The following SOCS2 variants were observed in gnomAD, a reference collection of about 807,000 sequenced individuals.
SOCS2 encodes the protein CIS-2.
A neutral mutation model predicts 18.6 loss-of-function variants in SOCS2; 10 were observed. That is an observed-to-expected ratio of 0.54 (90% CI 0.33 to 0.91). The LOEUF (loss-of-function observed/expected upper bound fraction) is 0.91, where lower values mean the gene tolerates loss of function less well. Among genes scored for constraint, SOCS2 ranks in the 40% least tolerant of loss-of-function variants. The probability of loss-of-function intolerance (pLI) is 0.02; values close to 1 mark genes in which losing one functional copy is unlikely to be tolerated. For missense variants in SOCS2, 231 were observed against 247.2 expected, an observed-to-expected ratio of 0.93 and a Z score of 0.44; for synonymous variants, 104 against 104.0, an observed-to-expected ratio of 1.00 and a Z score of 0.00.
At chr12:93,599,171 CTTT>C in the SOCS2 span, among the ~76,000 whole-genome samples, 6 of 122,290 alleles carry the variant, frequency 4.9e-5, no homozygotes, top group South Asian at 2.6e-4. Context: ...TGCTGTTTGT[CTTT>C]TTTTTTTTTT....
chr12:93,578,019 C>T (rs542712485), downstream of SOCS2, among the ~76,000 whole-genome samples: 21 of 152,176 alleles, frequency 1.4e-4, no homozygotes, highest in Non-Finnish European at 2.9e-4. Flanking sequence ...TCCCCAAACT[C>T]TGAAAATATT....
At chr12:93,577,944 T>A (rs1314637585), downstream of SOCS2, among the ~76,000 whole-genome samples, 1 of 152,216 alleles carries the variant, frequency 6.6e-6, no homozygotes, top group East Asian at 1.9e-4. Flanking sequence ...TAGGGCAATT[T>A]AGGGCATTTG....
At chr12:93,580,592 G>GCCT (rs1298629342), downstream of SOCS2, among the ~76,000 whole-genome samples, 2 of 130,830 alleles carry the variant, frequency 1.5e-5, no homozygotes, top group Non-Finnish European at 3.1e-5. Context: ...CTGCACTCCA[G>GCCT]CCTGGGCAAC....
chr12:93,583,941 A>G (rs1954568141), downstream of SOCS2, among the ~76,000 whole-genome samples: 1 of 152,192 alleles, frequency 6.6e-6, no homozygotes. Context: ...AAATCACAAC[A>G]ATTTCTCTTA....
the SOCS2 span, among the ~76,000 whole-genome samples, chr12:93,595,122 GA>G: frequency 2.0e-5 from 3 of 152,240 alleles, no homozygotes; most frequent in East Asian, 5.8e-4. Context: ...AAGCATTTGT[GA>G]GGGGACGGGG....
the SOCS2 span, among the ~76,000 whole-genome samples, chr12:93,626,030 A>C: frequency 3.3e-5 from 5 of 152,170 alleles, no homozygotes; most frequent in African/African-American, 1.2e-4. Context: ...ATTGGGACCC[A>C]AGGTGGACAC....
downstream of SOCS2, among the ~76,000 whole-genome samples, chr12:93,584,127 T>G (rs1954569036): frequency 6.6e-6 from 1 of 152,126 alleles, no homozygotes; most frequent in Non-Finnish European, 1.5e-5. Flanking sequence ...TTAAGTTCCT[T>G]GTAAGGTGGG....
At position 93,576,428 on chromosome 12, in the gene SOCS2, G is replaced by A. The variant is rs1954463766; in HGVS notation, c.*1249G>A. ...GGCCGGGTCTTTTATAATTTGAATA[G>A]GCATAACACTGATGTCCTCTGTGTT... is the stretch of plus-strand genomic sequence containing the variant. On this transcript the variant is annotated 3_prime_UTR_variant, in exon 2 of 2. Transcript: ENST00000551556. 1 of 152,168 alleles carries A rather than the reference G, an allele frequency of 6.6e-6. No individual in the cohort carries two copies. The highest frequency in any genetic ancestry group is 2.4e-5 in the African/African-American group (1 of 41,442). 9.4% of individuals were successfully genotyped at this position (152,168 alleles called of 1,614,324 possible).
At chr12:93,573,786 G>A (rs986629468) in intron 1 of SOCS2, 5 of 152,158 alleles carry the variant, frequency 3.3e-5, no homozygotes, top group African/African-American at 1.2e-4. Context: ...TGCGATTCCG[G>A]TCTTTCCGTG....
chr12:93,571,922 C>A, upstream of SOCS2: 1 of 425,020 alleles, frequency 2.4e-6, no homozygotes, highest in Non-Finnish European at 4.7e-6. Context: ...GAGGTAAGAG[C>A]GCGGCGTTGG....
chr12:93,602,417 A>AG, the SOCS2 span, among the ~76,000 whole-genome samples: 3 of 152,332 alleles, frequency 2.0e-5, no homozygotes, highest in East Asian at 5.8e-4. Context: ...TTTGTAGCAT[A>AG]TACATACACA....
the SOCS2 span, among the ~76,000 whole-genome samples, chr12:93,594,475 A>G: frequency 6.6e-6 from 1 of 152,158 alleles, no homozygotes; most frequent in Non-Finnish European, 1.5e-5. Context: ...TTTTGAGTCC[A>G]TTAAGACTTT....
At chr12:93,601,149 T>A in the SOCS2 span, among the ~76,000 whole-genome samples, 1 of 151,276 alleles carries the variant, frequency 6.6e-6, no homozygotes, top group Admixed American at 6.6e-5. Flanking sequence ...AGTTTTGTGC[T>A]GGTATATGGG....
chr12:93,575,113 C>T lies in SOCS2; in HGVS notation c.531C>T (p.Ala177=). 1 of 1,603,410 alleles carries T rather than the reference C, an allele frequency of 6.2e-7. No homozygotes were observed. Residue 177 remains alanine (A), a synonymous_variant, in exon 2 of 2, where the codon GCC becomes GCT. Transcript: ENST00000551556. Reference sequence around the variant, plus strand: ...TCACCATTAACAAATGTACCGGTGCCATCTGGGGACTGCCTTTACCAACAA... The same window carrying T: ...TCACCATTAACAAATGTACCGGTGCTATCTGGGGACTGCCTTTACCAACAA... ...CRLTINKCTG[A]IWGLPLPTRL... is the part of the protein sequence containing the mutation.
At chr12:93,588,983 C>A in the SOCS2 span, among the ~76,000 whole-genome samples, 24 of 152,260 alleles carry the variant, frequency 1.6e-4, 1 homozygote, top group East Asian at 4.4e-3. Context: ...ACGCATAGAC[C>A]CCATTTCCTC....
the SOCS2 span, among the ~76,000 whole-genome samples, chr12:93,614,393 CTTT>C: frequency 4.3e-5 from 6 of 140,318 alleles, no homozygotes; most frequent in Non-Finnish European, 7.6e-5. Flanking sequence ...TTCTTTCTTT[CTTT>C]CTTTCTTTCT....
chr12:93,616,061 C>G, the SOCS2 span, among the ~76,000 whole-genome samples: 71 of 152,338 alleles, frequency 4.7e-4, no homozygotes, highest in African/African-American at 1.7e-3. Flanking sequence ...TGTGGGGAAT[C>G]AGCCCTTCCC....
At chr12:93,625,053 A>G in the SOCS2 span, among the ~76,000 whole-genome samples, 5 of 152,182 alleles carry the variant, frequency 3.3e-5, no homozygotes, top group Non-Finnish European at 5.9e-5. Flanking sequence ...TGAAGACCCC[A>G]GTGTTTTCCC....
At chr12:93,613,597 C>A in the SOCS2 span, among the ~76,000 whole-genome samples, 123 of 152,284 alleles carry the variant, frequency 8.1e-4, 1 homozygote, top group African/African-American at 2.8e-3. Context: ...TCAAATGAAA[C>A]AACGGATGTG....
Sources: allele counts gnomAD v4.1 joint callset (sites outside exome capture counted in the v4.1 genomes callset), GRCh38; gene constraint gnomAD v4.1.1; transcripts MANE v1.5; gene names NCBI Gene and HGNC (gene_info 2026-07-23, HGNC 2026-07-21).